Variants in GFRA1 observed in about 807,000 individuals in gnomAD.
GFRA1 encodes the protein GDNF family receptor alpha 1.
GFRA1 carries 16 observed loss-of-function variants against 51.6 expected under a neutral mutation model. The observed-to-expected ratio is 0.31, with a 90% CI of 0.21 to 0.47. GFRA1 has a LOEUF of 0.47. Ranked by LOEUF, GFRA1 falls within the 20% of genes least tolerant of loss-of-function variation. The pLI, the probability that GFRA1 is intolerant of heterozygous loss-of-function variation, is 1.00. For missense variants in GFRA1, 530 were observed against 594.3 expected (o/e 0.89, Z 1.13); for synonymous variants, 270 against 241.3 (o/e 1.12, Z -1.10).
At chr10:116,181,647 T>TG (rs1362901647) in intron 5 of GFRA1, among the ~76,000 whole-genome samples, 4 of 132,742 alleles carry the variant, frequency 3.0e-5, no homozygotes, top group Non-Finnish European at 6.7e-5. Context: ...TGTTTTTTTG[T>TG]TTTTTTTTGA....
chr10:116,071,770 A>G (rs1046551821), intron 9 of GFRA1, among the ~76,000 whole-genome samples: 5 of 152,370 alleles, frequency 3.3e-5, no homozygotes, highest in African/African-American at 1.2e-4. Context: ...AATCACTTAG[A>G]AATGGTATGT....
chr10:116,169,409 A>G (rs138670426), intron 5 of GFRA1, among the ~76,000 whole-genome samples: 49 of 152,360 alleles, frequency 3.2e-4, no homozygotes, highest in African/African-American at 1.2e-3. Flanking sequence ...GGACCTGCGG[A>G]CCTAAACGAA....
At position 116,063,502 on chromosome 10, in the gene GFRA1, T is replaced by G. The variant is rs1954925712; in HGVS notation, c.*896A>C. ...CCATCAGTAAAAAAATGAGACAATA[T>G]CATTACTTTCAAAATATAGAAAGCC... On this transcript the variant is annotated 3_prime_UTR_variant, in exon 11 of 11. Transcript: ENST00000355422. 6.6e-6 allele frequency: 1 copy of G among 152,210 alleles called. No individual in the cohort carries two copies. Among genetic ancestry groups the G allele is most frequent in the African/African-American group, 2.4e-5 (1 of 41,460 alleles). 9.4% of individuals were successfully genotyped at this position (152,210 alleles called of 1,614,324 possible).
intron 4 of GFRA1, among the ~76,000 whole-genome samples, chr10:116,224,254 T>C (rs545523340): frequency 2.1e-4 from 32 of 152,312 alleles, no homozygotes; most frequent in African/African-American, 7.7e-4. Context: ...GACTGTCAAA[T>C]GGTATAGCCA....
chr10:116,240,193 C>G (rs1240305869), intron 4 of GFRA1, among the ~76,000 whole-genome samples: 1 of 152,060 alleles, frequency 6.6e-6, no homozygotes, highest in Non-Finnish European at 1.5e-5. Flanking sequence ...CAGGACAAAG[C>G]CCCCACTGTT....
intron 5 of GFRA1, among the ~76,000 whole-genome samples, chr10:116,170,685 C>T (rs537648693): frequency 2.0e-5 from 3 of 152,282 alleles, no homozygotes; most frequent in Admixed American, 2.0e-4. Context: ...CTCCAATAAG[C>T]CTCCGCTTTT....
chr10:116,065,919 T>C (rs1458096558), intron 9 of GFRA1, among the ~76,000 whole-genome samples: 1 of 152,196 alleles, frequency 6.6e-6, no homozygotes, highest in Non-Finnish European at 1.5e-5. Flanking sequence ...AAATCTGGTG[T>C]GTTTGGCATG....
intron 5 of GFRA1, among the ~76,000 whole-genome samples, chr10:116,139,427 T>G (rs1007517414): frequency 1.3e-5 from 2 of 152,202 alleles, no homozygotes; most frequent in Admixed American, 1.3e-4. Context: ...TACCAAGGAC[T>G]CCAGGCTTCA....
At chr10:116,113,604 C>G (rs907329779) in intron 6 of GFRA1, among the ~76,000 whole-genome samples, 4 of 152,174 alleles carry the variant, frequency 2.6e-5, no homozygotes, top group Non-Finnish European at 5.9e-5. Context: ...GGGTGGTTTA[C>G]AAGACAGGCA....
In GFRA1 at chr10:116,064,067, CATGATCATG is replaced by C. The variant is rs1954967061; in HGVS notation, c.*322_*330del. 2.1e-5 allele frequency: 3 copies of C among 140,598 alleles called. No homozygotes were observed. The highest frequency in any genetic ancestry group is 8.9e-5 in the South Asian group (1 of 11,268). The allele number at this position is 140,598 out of a possible 1,614,324, so 8.7% of individuals were successfully genotyped here. ...TCATCATGATCATGATGATCATCAT[CATGATCATG>C]ATGATCATCATCATGATCATCATCA... On this transcript the variant is annotated 3_prime_UTR_variant, in exon 11 of 11. Transcript: ENST00000355422.
chr10:116,125,591 G>A, intron 5 of GFRA1, 34 bp from the exon 6 acceptor site: 1 of 1,530,242 alleles, frequency 6.5e-7, no homozygotes, highest in South Asian at 1.1e-5. Flanking sequence ...CATGGTCACA[G>A]TGCTCGGCTC....
intron 5 of GFRA1, among the ~76,000 whole-genome samples, chr10:116,149,009 T>A (rs1030899373): frequency 4.0e-5 from 6 of 148,784 alleles, no homozygotes; most frequent in African/African-American, 1.5e-4. Flanking sequence ...GAAAAGGGAC[T>A]GGCTGGACAC....
At chr10:116,115,258 TG>T (rs1412450569) in intron 6 of GFRA1, among the ~76,000 whole-genome samples, 3 of 151,940 alleles carry the variant, frequency 2.0e-5, no homozygotes, top group Non-Finnish European at 4.4e-5. Flanking sequence ...GGGATGGGTG[TG>T]GGGGAGTGTG....
At chr10:116,109,541 G>A (rs999280506) in intron 6 of GFRA1, among the ~76,000 whole-genome samples, 3 of 152,218 alleles carry the variant, frequency 2.0e-5, no homozygotes, top group African/African-American at 7.2e-5. Context: ...CTGGGCCTAG[G>A]CCTTGCCTCT....
intron 6 of GFRA1, among the ~76,000 whole-genome samples, chr10:116,112,928 C>G (rs576301220): frequency 6.6e-6 from 1 of 152,194 alleles, no homozygotes; most frequent in Non-Finnish European, 1.5e-5. Context: ...CTTGGTTCAA[C>G]GAGACCTCAG....
intron 6 of GFRA1, among the ~76,000 whole-genome samples, chr10:116,119,657 T>A (rs549071242): frequency 1.3e-5 from 2 of 152,344 alleles, no homozygotes; most frequent in Admixed American, 1.3e-4. Flanking sequence ...TGATGTGGGA[T>A]CCAGTTTTTG....
intron 6 of GFRA1, among the ~76,000 whole-genome samples, chr10:116,117,368 A>C (rs1159898060): frequency 6.6e-6 from 1 of 151,542 alleles, no homozygotes; most frequent in African/African-American, 2.4e-5. Flanking sequence ...GCTAACAGCC[A>C]CTCTAAGCTG....
intron 6 of GFRA1, among the ~76,000 whole-genome samples, chr10:116,121,165 A>G (rs1336958615): frequency 1.3e-5 from 2 of 152,190 alleles, no homozygotes; most frequent in African/African-American, 2.4e-5. Context: ...GAGGGAAAGT[A>G]TAAGTTTAAA....
intron 4 of GFRA1, among the ~76,000 whole-genome samples, chr10:116,256,377 C>G (rs999340247): frequency 1.3e-5 from 2 of 152,166 alleles, no homozygotes; most frequent in Admixed American, 6.5e-5. Flanking sequence ...AGGGTCCACC[C>G]GGTAGGTCCT....
Sources: gnomAD v4.1 joint callset for allele counts (sites outside exome capture counted in the v4.1 genomes callset) on GRCh38, gnomAD v4.1.1 for gene constraint, MANE v1.5 for transcripts, NCBI Gene and HGNC (gene_info 2026-07-23, HGNC 2026-07-21) for gene names.